The following RTN1 variants were observed in gnomAD, a reference collection of about 807,000 sequenced individuals.
The protein encoded by RTN1 is reticulon-1.
Under a neutral mutation model 65.5 loss-of-function variants are expected in RTN1, and 25 were observed. That is an observed-to-expected ratio of 0.38 (90% CI 0.28 to 0.53). The LOEUF (loss-of-function observed/expected upper bound fraction) is 0.53. Among genes scored for constraint, RTN1 ranks in the 20% least tolerant of loss-of-function variants. RTN1 has a pLI of 0.79. For missense variants in RTN1, 983 were observed against 1,025.4 expected, an observed-to-expected ratio of 0.96 and a Z score of 0.57; for synonymous variants, 471 against 447.6, an observed-to-expected ratio of 1.05 and a Z score of -0.66.
chr14:59,626,529 T>C (rs1442526525), intron 3 of RTN1, among the ~76,000 whole-genome samples: 1 of 152,174 alleles, frequency 6.6e-6, no homozygotes, highest in Non-Finnish European at 1.5e-5. Context: ...AAATGATCTT[T>C]AGAGAACAAA....
At chr14:59,726,335 G>T (rs1288575740) in intron 3 of RTN1, among the ~76,000 whole-genome samples, 1 of 152,156 alleles carries the variant, frequency 6.6e-6, no homozygotes, top group East Asian at 1.9e-4. Flanking sequence ...CTTGCTTAGG[G>T]ACAAGAGAAA....
chr14:59,758,726 T>C (rs1885689517), intron 1 of RTN1, among the ~76,000 whole-genome samples: 2 of 152,246 alleles, frequency 1.3e-5, no homozygotes, highest in African/African-American at 4.8e-5. Context: ...AAACATTTCA[T>C]ATACATCTTC....
chr14:59,699,011 G>A (rs543882504), intron 3 of RTN1, among the ~76,000 whole-genome samples: 3 of 152,182 alleles, frequency 2.0e-5, no homozygotes, highest in South Asian at 4.2e-4. Flanking sequence ...TTCAAATATT[G>A]AGCAAGAGGA....
intron 3 of RTN1, among the ~76,000 whole-genome samples, chr14:59,682,209 T>G (rs1883760293): frequency 6.6e-6 from 1 of 152,202 alleles, no homozygotes; most frequent in Non-Finnish European, 1.5e-5. Flanking sequence ...ACACATTCTT[T>G]TCTTCAACTG....
At chr14:59,837,298 A>C (rs955637475) in intron 1 of RTN1, among the ~76,000 whole-genome samples, 2 of 152,094 alleles carry the variant, frequency 1.3e-5, no homozygotes, top group Non-Finnish European at 2.9e-5. Flanking sequence ...CATTAACCAA[A>C]ACAAACTCAA....
intron 1 of RTN1, among the ~76,000 whole-genome samples, chr14:59,828,162 G>A (rs1478629246): frequency 1.3e-5 from 2 of 152,168 alleles, no homozygotes; most frequent in Non-Finnish European, 2.9e-5. Flanking sequence ...ATTCCCTCGT[G>A]TATCTTTGAA....
At chr14:59,615,016 A>C (rs1181001146) in intron 3 of RTN1, among the ~76,000 whole-genome samples, 1 of 152,252 alleles carries the variant, frequency 6.6e-6, no homozygotes, top group Non-Finnish European at 1.5e-5. Context: ...GGTTTTAAAA[A>C]TTGTCTTAAC....
intron 2 of RTN1, among the ~76,000 whole-genome samples, chr14:59,741,208 G>C (rs1341893808): frequency 6.6e-6 from 1 of 152,134 alleles, no homozygotes; most frequent in African/African-American, 2.4e-5. Flanking sequence ...TCCTGGAACA[G>C]ACAAGGCATT....
At chr14:59,704,729 G>A (rs751176747) in intron 3 of RTN1, among the ~76,000 whole-genome samples, 1 of 152,196 alleles carries the variant, frequency 6.6e-6, no homozygotes, top group Non-Finnish European at 1.5e-5. Context: ...GGCAGTGAAA[G>A]CATCTTGGGG....
At chr14:59,791,405 C>T (rs758270687) in intron 1 of RTN1, among the ~76,000 whole-genome samples, 6 of 152,146 alleles carry the variant, frequency 3.9e-5, no homozygotes, top group Admixed American at 1.3e-4. Flanking sequence ...TAAGCAGTTA[C>T]GGGTGGCAGA....
intron 1 of RTN1, among the ~76,000 whole-genome samples, chr14:59,788,393 ACACT>A (rs1886290386): frequency 6.6e-6 from 1 of 152,200 alleles, no homozygotes; most frequent in African/African-American, 2.4e-5. Flanking sequence ...GAATTAGCAA[ACACT>A]GCAAATGTTG....
At chr14:59,630,619 A>T in intron 3 of RTN1, 1 of 1,536,248 alleles carries the variant, frequency 6.5e-7, no homozygotes, top group Non-Finnish European at 8.7e-7. Context: ...GGCTGCGGAG[A>T]GACTGAGGCT....
At chr14:59,640,680 GT>G (rs1353915173) in intron 3 of RTN1, among the ~76,000 whole-genome samples, 4 of 152,036 alleles carry the variant, frequency 2.6e-5, no homozygotes, top group African/African-American at 7.2e-5. Context: ...ATCATCTTAT[GT>G]TTTTTAACAA....
At chr14:59,643,070 G>T (rs1400275910) in intron 3 of RTN1, among the ~76,000 whole-genome samples, 1 of 152,142 alleles carries the variant, frequency 6.6e-6, no homozygotes, top group Non-Finnish European at 1.5e-5. Flanking sequence ...CATTTGAAAT[G>T]TGATTGTTTT....
chr14:59,734,994 C>A (rs763998406), intron 2 of RTN1, among the ~76,000 whole-genome samples: 5 of 151,824 alleles, frequency 3.3e-5, no homozygotes, highest in Non-Finnish European at 7.4e-5. Flanking sequence ...AGAGAAAGAC[C>A]AGGACATCTA....
At chr14:59,602,934 T>A in intron 8 of RTN1, 131 bp downstream of exon 8, 1 of 641,392 alleles carries the variant, frequency 1.6e-6, no homozygotes, top group Non-Finnish European at 2.7e-6. Flanking sequence ...AGAATGAATA[T>A]ATGATTCCAG....
Position 59,816,009 on chromosome 14 carries a change from A to G in RTN1, c.241+54381T>C, listed in dbSNP as rs1886814406. ...ACTTGTACCACCTGCTCTTCGTCCA[A>G]GATATGAAGTGCCTTCATGCAGCCT... On this transcript the variant is annotated intron_variant, in intron 1 of 8. Transcript: ENST00000267484. This position sits in a 1 kb window ranked among gnomAD's most constrained non-coding sequence, Gnocchi z 4.3. Among the ~76,000 whole-genome samples, 1 of 152,190 alleles carries G rather than the reference A, an allele frequency of 6.6e-6. No individual in the cohort carries two copies. The highest frequency in any genetic ancestry group is 1.5e-5 in the Non-Finnish European group (1 of 68,030).
chr14:59,776,306 G>A (rs753243272), intron 1 of RTN1, among the ~76,000 whole-genome samples: 2 of 152,052 alleles, frequency 1.3e-5, no homozygotes, highest in African/African-American at 2.4e-5. Flanking sequence ...AAGGATTAAT[G>A]TTATAGTGGA....
chr14:59,838,024 G>A (rs1887244076), intron 1 of RTN1, among the ~76,000 whole-genome samples: 3 of 151,986 alleles, frequency 2.0e-5, no homozygotes, highest in Non-Finnish European at 2.9e-5. Flanking sequence ...ACTGAGGTTT[G>A]GGGTACAAAT....
Sources: gnomAD v4.1 joint callset for allele counts (sites outside exome capture counted in the v4.1 genomes callset) on GRCh38, gnomAD v4.1.1 for gene constraint, Gnocchi (gnomAD v3.1) non-coding constraint, MANE v1.5 for transcripts, NCBI Gene and HGNC (gene_info 2026-07-23, HGNC 2026-07-21) for gene names.